Variants in ERLEC1 observed in about 807,000 individuals in gnomAD.
The protein encoded by ERLEC1 is endoplasmic reticulum lectin 1, also known as ER lectin.
In ERLEC1, 47 loss-of-function variants were observed where a neutral mutation model predicts 68.0. The observed-to-expected ratio is 0.69, with a 90% CI of 0.55 to 0.88. The LOEUF (loss-of-function observed/expected upper bound fraction) is 0.88, where lower values mean the gene tolerates loss of function less well. Among genes scored for constraint, ERLEC1 ranks in the 40% least tolerant of loss-of-function variants. ERLEC1 has a pLI of 0.00. For synonymous variants in ERLEC1, 225 were observed against 203.2 expected (o/e 1.11, Z -0.91); for missense variants, 567 against 583.8 (o/e 0.97, Z 0.30).
intron 9 of ERLEC1, 127 bp downstream of exon 9, chr2:53,808,587 A>C (rs1676425310): frequency 1.1e-6 from 1 of 898,772 alleles, no homozygotes; most frequent in Non-Finnish European, 1.7e-6. Context: ...TCATCCCCAA[A>C]GAACATTTTC....
chr2:53,792,941 T>C (rs891126029), intron 1 of ERLEC1, among the ~76,000 whole-genome samples: 1 of 151,190 alleles, frequency 6.6e-6, no homozygotes, highest in African/African-American at 2.4e-5. Context: ...GTCCAGGAGG[T>C]CAGGCTGCAG....
chr2:53,797,872 AT>A (rs150175603), intron 5 of ERLEC1, 77 bp downstream of exon 5: 4,978 of 1,179,422 alleles, frequency 4.2e-3, no homozygotes, highest in Middle Eastern at 4.9e-3. Flanking sequence ...AATTTACGAG[AT>A]TTTTTTTTTG....
chr2:53,792,703 A>G (rs1675475571), intron 1 of ERLEC1, among the ~76,000 whole-genome samples: 1 of 152,184 alleles, frequency 6.6e-6, no homozygotes, highest in African/African-American at 2.4e-5. Context: ...GGTGCCAAGT[A>G]GTACTGGTTT....
chr2:53,790,284 G>T lies in ERLEC1; in HGVS notation c.162+2912G>T, dbSNP rs536654434. Among the ~76,000 whole-genome samples the T allele has an allele frequency of 3.3e-5, 5 of 152,096 alleles. No individual in the cohort carries two copies. In the East Asian group the frequency reaches 9.7e-4, roughly 30 times the overall value. ...AATTTTTTTTTGTATTTTTAGTAGA[G>T]ATGAGGTTTCACCATTTTGGCCAGG... is the stretch of plus-strand genomic sequence containing the variant. On this transcript the variant is annotated intron_variant, in intron 1 of 13. Coordinates refer to ENST00000185150, the MANE Select transcript of ERLEC1 (RefSeq NM_015701.5).
chr2:53,794,850 T>C (rs544162412), intron 2 of ERLEC1, among the ~76,000 whole-genome samples: 3 of 152,114 alleles, frequency 2.0e-5, no homozygotes, highest in Admixed American at 6.6e-5. Flanking sequence ...AGACGGGGTT[T>C]TACCATGTTG....
At chr2:53,815,300 C>T (rs1419241737) in intron 13 of ERLEC1, among the ~76,000 whole-genome samples, 1 of 152,076 alleles carries the variant, frequency 6.6e-6, no homozygotes, top group Non-Finnish European at 1.5e-5. Context: ...GCCACCACGC[C>T]CGGCTGCCAT....
intron 10 of ERLEC1, among the ~76,000 whole-genome samples, chr2:53,812,486 G>A (rs374609519): frequency 3.3e-5 from 5 of 152,164 alleles, no homozygotes; most frequent in African/African-American, 9.7e-5. Context: ...ATAACATTGC[G>A]TAGGATGAAG....
intron 1 of ERLEC1, chr2:53,788,465 C>CG (rs1188880142): frequency 4.6e-5 from 7 of 152,062 alleles, no homozygotes; most frequent in African/African-American, 1.7e-4. Context: ...TGCAGTGGTA[C>CG]GGTCACCACT....
chr2:53,797,215 A>G (rs1675760386), intron 3 of ERLEC1, among the ~76,000 whole-genome samples: 1 of 152,138 alleles, frequency 6.6e-6, no homozygotes, highest in African/African-American at 2.4e-5. Flanking sequence ...TAGAATTTTA[A>G]TTTAAATTGC....
intron 8 of ERLEC1, among the ~76,000 whole-genome samples, chr2:53,805,887 T>C (rs1461164261): frequency 6.6e-6 from 1 of 152,242 alleles, no homozygotes; most frequent in African/African-American, 2.4e-5. Flanking sequence ...TTTGCTTTTC[T>C]CTGATGATCA....
intron 13 of ERLEC1, among the ~76,000 whole-genome samples, chr2:53,816,161 G>C (rs956244070): frequency 6.6e-6 from 1 of 151,812 alleles, no homozygotes; most frequent in Admixed American, 6.6e-5. Flanking sequence ...GCTCACTGCA[G>C]CCTCTGCCTC....
intron 1 of ERLEC1, among the ~76,000 whole-genome samples, chr2:53,790,379 T>G (rs1675325466): frequency 6.6e-6 from 1 of 152,140 alleles, no homozygotes; most frequent in Non-Finnish European, 1.5e-5. Context: ...ATTACAGGCA[T>G]GAGCCACCGT....
chr2:53,799,104 T>C (rs1438458311), intron 6 of ERLEC1, 23 bp downstream of exon 6: 1 of 1,606,550 alleles, frequency 6.2e-7, no homozygotes, highest in East Asian at 2.2e-5. Context: ...TGTTGATTTT[T>C]TTCCTCTTAA....
intron 9 of ERLEC1, among the ~76,000 whole-genome samples, chr2:53,808,762 A>C (rs1676435008): frequency 6.6e-6 from 1 of 152,224 alleles, no homozygotes; most frequent in South Asian, 2.1e-4. Flanking sequence ...TTGGTTATGT[A>C]GCAATCACAT....
intron 1 of ERLEC1, 45 bp downstream of exon 1, chr2:53,787,417 TAAGG>T (rs748090642): frequency 1.4e-5 from 22 of 1,571,170 alleles, no homozygotes; most frequent in Admixed American, 1.8e-5. Context: ...CTCCTGACAC[TAAGG>T]GTTCGGCCTC....
At chr2:53,807,522 C>A (rs1676359404) in intron 8 of ERLEC1, among the ~76,000 whole-genome samples, 1 of 152,162 alleles carries the variant, frequency 6.6e-6, no homozygotes, top group Non-Finnish European at 1.5e-5. Flanking sequence ...TATCATGCCT[C>A]AACCTCCCGA....
intron 6 of ERLEC1, among the ~76,000 whole-genome samples, chr2:53,800,472 A>C (rs950647903): frequency 6.6e-6 from 1 of 152,090 alleles, no homozygotes; most frequent in Non-Finnish European, 1.5e-5. Context: ...TTGGATTTGA[A>C]CCCAGGATTT....
chr2:53,792,791 C>T (rs1438002079), intron 1 of ERLEC1, among the ~76,000 whole-genome samples: 2 of 152,102 alleles, frequency 1.3e-5, no homozygotes, highest in African/African-American at 4.8e-5. Flanking sequence ...CAGAGGCTGA[C>T]GGATGGCTTG....
At position 53,817,954 on chromosome 2, in the gene ERLEC1, T is replaced by C. The variant is rs1045132982; in HGVS notation, c.1437T>C (p.Leu479=). The C allele has an allele frequency of 6.3e-7, 1 of 1,582,612 alleles. No individual in the cohort carries two copies. The highest frequency in any genetic ancestry group is 8.7e-7 in the Non-Finnish European group (1 of 1,151,680). The change falls in exon 14 of 14, where the codon CTT becomes CTC. Residue 479 remains leucine, a synonymous_variant. Transcript: ENST00000185150. The stretch of plus-strand genomic sequence containing the variant: ...ATACAGCAGATGAAAATGGACTTCT[T>C]TCTCTCCCCAACTAAAGGATATTAA... ...ILDTADENGL[L]SLPN
Sources: allele counts gnomAD v4.1 joint callset (sites outside exome capture counted in the v4.1 genomes callset), GRCh38; gene constraint gnomAD v4.1.1; transcripts MANE v1.5; gene names NCBI Gene and HGNC (gene_info 2026-07-23, HGNC 2026-07-21).